The following DNAH14 variants were observed in gnomAD, a reference collection of about 807,000 sequenced individuals.
DNAH14 encodes the protein axonemal beta dynein heavy chain 14.
A neutral mutation model predicts 520.9 loss-of-function variants in DNAH14; 478 were observed. The observed-to-expected ratio is 0.92, with a 90% CI of 0.85 to 0.99. The LOEUF (loss-of-function observed/expected upper bound fraction) is 0.99. Ranked by LOEUF, DNAH14 falls within the 50% of genes least tolerant of loss-of-function variation. The pLI is 0.00. For missense variants in DNAH14, 4,831 were observed against 5,234.5 expected, an observed-to-expected ratio of 0.92 and a Z score of 2.38; for synonymous variants, 1,581 against 1,757.2, an observed-to-expected ratio of 0.90 and a Z score of 2.51.
At chr1:225,280,286 C>T (rs2149910073) in intron 54 of DNAH14, among the ~76,000 whole-genome samples, 1 of 152,222 alleles carries the variant, frequency 6.6e-6, no homozygotes, top group African/African-American at 2.4e-5. Flanking sequence ...TGCCCCAATA[C>T]ATTAATCTTC....
At chr1:225,024,783 G>A (rs964145935) in intron 11 of DNAH14, among the ~76,000 whole-genome samples, 11 of 152,058 alleles carry the variant, frequency 7.2e-5, no homozygotes, top group South Asian at 4.1e-4. Flanking sequence ...AAAACATTGC[G>A]TGTGTGTGTT....
At chr1:225,008,660 C>T (rs2064414062) in intron 10 of DNAH14, among the ~76,000 whole-genome samples, 1 of 139,286 alleles carries the variant, frequency 7.2e-6, no homozygotes, top group African/African-American at 2.7e-5. Flanking sequence ...CTCCTGACCT[C>T]GTGATTCACC....
intron 43 of DNAH14, among the ~76,000 whole-genome samples, chr1:225,249,462 T>C (rs2092449883): frequency 6.6e-6 from 1 of 152,170 alleles, no homozygotes; most frequent in Admixed American, 6.5e-5. Context: ...ATCATGGCCT[T>C]GCCCCAGGGA....
intron 36 of DNAH14, among the ~76,000 whole-genome samples, chr1:225,170,582 A>C (rs920932821): frequency 1.3e-5 from 2 of 152,206 alleles, no homozygotes; most frequent in African/African-American, 4.8e-5. Context: ...TCCTAAATAT[A>C]TATGCAGCCA....
At chr1:224,935,091 A>G (rs2058942343) in intron 1 of DNAH14, among the ~76,000 whole-genome samples, 1 of 151,906 alleles carries the variant, frequency 6.6e-6, no homozygotes, top group Non-Finnish European at 1.5e-5. Flanking sequence ...TGGTAAAGCA[A>G]TCACACAAAG....
intron 1 of DNAH14, among the ~76,000 whole-genome samples, chr1:224,946,620 A>T (rs937770406): frequency 1.3e-5 from 2 of 152,156 alleles, no homozygotes; most frequent in Non-Finnish European, 2.9e-5. Context: ...GGTTCCACCT[A>T]TCCTAAATTC....
At chr1:225,103,104 A>G (rs145705745) in intron 23 of DNAH14, among the ~76,000 whole-genome samples, 4,432 of 152,314 alleles carry the variant, frequency 0.029, 83 homozygotes, top group Non-Finnish European at 0.04. Flanking sequence ...AGCTTTCTAC[A>G]TATGGCTAGC....
At chr1:225,206,226 A>G in intron 40 of DNAH14, 47 bp downstream of exon 40, 1 of 1,449,408 alleles carries the variant, frequency 6.9e-7, no homozygotes, top group Non-Finnish European at 9.3e-7. Flanking sequence ...AATGTTGTTT[A>G]TGATAGTAAC....
At chr1:225,158,224 G>A (rs1449313775) in intron 34 of DNAH14, among the ~76,000 whole-genome samples, 2 of 151,824 alleles carry the variant, frequency 1.3e-5, no homozygotes, top group East Asian at 3.9e-4. Flanking sequence ...TGTTATTATA[G>A]AGTAACATAT....
chr1:225,289,394 A>G (rs1449741518), intron 54 of DNAH14, among the ~76,000 whole-genome samples: 3 of 152,284 alleles, frequency 2.0e-5, no homozygotes, highest in Admixed American at 2.0e-4. Flanking sequence ...AAATGTACTA[A>G]AAAGCATTGA....
At chr1:225,301,623 T>C (rs1290254479) in intron 56 of DNAH14, among the ~76,000 whole-genome samples, 1 of 152,152 alleles carries the variant, frequency 6.6e-6, no homozygotes, top group East Asian at 1.9e-4. Flanking sequence ...TTAGCAAATA[T>C]ATGGACATGA....
At chr1:225,283,083 A>G (rs1310823966) in intron 54 of DNAH14, among the ~76,000 whole-genome samples, 2 of 151,936 alleles carry the variant, frequency 1.3e-5, no homozygotes, top group Admixed American at 6.6e-5. Context: ...AAAAGCCAAG[A>G]AAACGAAGAT....
At chr1:225,242,836 G>A (rs2092047195) in intron 43 of DNAH14, among the ~76,000 whole-genome samples, 2 of 152,182 alleles carry the variant, frequency 1.3e-5, no homozygotes, top group Non-Finnish European at 2.9e-5. Flanking sequence ...ATTGTGCTAT[G>A]ACATTATGAC....
At chr1:225,156,648 A>C (rs929715782) in intron 34 of DNAH14, among the ~76,000 whole-genome samples, 1 of 150,050 alleles carries the variant, frequency 6.7e-6, no homozygotes, top group Non-Finnish European at 1.5e-5. Context: ...TCTGTCTCTT[A>C]TTAGGATACA....
chr1:224,988,781 G>T (rs2062832662), intron 8 of DNAH14, among the ~76,000 whole-genome samples: 1 of 152,202 alleles, frequency 6.6e-6, no homozygotes, highest in African/African-American at 2.4e-5. Context: ...AAGTAGCTGG[G>T]ACTACAGGCA....
chr1:225,219,184 T>C (rs2149496905), intron 41 of DNAH14, among the ~76,000 whole-genome samples: 1 of 152,280 alleles, frequency 6.6e-6, no homozygotes, highest in South Asian at 2.1e-4. Flanking sequence ...GAGGGAAATG[T>C]ATATCACTAA....
intron 1 of DNAH14, among the ~76,000 whole-genome samples, chr1:224,943,023 T>TGAGTTAGGG: frequency 6.6e-6 from 1 of 152,340 alleles, no homozygotes; most frequent in South Asian, 2.1e-4. Flanking sequence ...CCTCATAAAA[T>TGAGTTAGGG]GAGTTAGGGA....
Position 225,303,138 on chromosome 1 carries a change from A to G in DNAH14, c.8632-18A>G. 7.1e-7 allele frequency: 1 copy of G among 1,410,812 alleles called. No homozygotes were observed. Among genetic ancestry groups the G allele is most frequent in the Non-Finnish European group, 9.5e-7 (1 of 1,056,598 alleles). The allele number at this position is 1,410,812 out of a possible 1,614,324, so 87.4% of individuals were successfully genotyped here. A position where few individuals can be genotyped will look rare whatever the true frequency, so the allele number is the denominator to read the frequency against. On this transcript the variant is annotated intron_variant, in intron 56 of 85. Coordinates refer to ENST00000682510, the MANE Select transcript of DNAH14 (RefSeq NM_001367479.1). ...AGTGGATTACATTTTAACAATTTAT[A>G]TTTTCATTAATTTTCAGAGAATATA...
rs554364172 is a variant in DNAH14 at position 225,393,393 on chromosome 1, A to G, written c.13491+942A>G. Among the ~76,000 whole-genome samples the G allele has an allele frequency of 1.9e-4, 29 of 152,348 alleles. 1 individual carries two copies. Among genetic ancestry groups the G allele is most frequent in the Admixed American group, 1.9e-3 (29 of 15,310 alleles). The stretch of plus-strand genomic sequence containing the variant: ...CTAAATGGGATAGCCTATTGCTGCC[A>G]GGCTACAGACCTGTACAGCATGTTA... On this transcript the variant is annotated intron_variant, in intron 84 of 85. Transcript: ENST00000682510.
Sources: gnomAD v4.1 joint callset for allele counts (sites outside exome capture counted in the v4.1 genomes callset) on GRCh38, gnomAD v4.1.1 for gene constraint, MANE v1.5 for transcripts, NCBI Gene and HGNC (gene_info 2026-07-23, HGNC 2026-07-21) for gene names.